LRMDA: variants seen among roughly 807,000 people sequenced by gnomAD.
The protein encoded by LRMDA is leucine-rich melanocyte differentiation-associated protein.
LRMDA carries 18 observed loss-of-function variants against 29.8 expected under a neutral mutation model. The ratio of observed to expected loss-of-function variants is 0.60; its 90% CI spans 0.42 to 0.90. LRMDA has a LOEUF of 0.90. LRMDA is among the 40% of genes least tolerant of loss of function. LRMDA has a pLI of 0.00. For missense variants in LRMDA, 273 were observed against 273.9 expected (o/e 1.00, Z 0.02); for synonymous variants, 125 against 109.4 (o/e 1.14, Z -0.89).
At chr10:76,266,896 G>A (rs763813800) in intron 5 of LRMDA, among the ~76,000 whole-genome samples, 5 of 152,068 alleles carry the variant, frequency 3.3e-5, no homozygotes, top group African/African-American at 4.8e-5. Context: ...TTTTGATTCC[G>A]GAGAACATTC....
chr10:75,941,075 A>G (rs1194182291), intron 2 of LRMDA, among the ~76,000 whole-genome samples: 6 of 152,198 alleles, frequency 3.9e-5, no homozygotes, highest in Admixed American at 3.9e-4. Flanking sequence ...CTGTTGGTGA[A>G]AATAGTTTGA....
intron 5 of LRMDA, among the ~76,000 whole-genome samples, chr10:76,285,881 G>C (rs886579094): frequency 7.2e-5 from 11 of 152,176 alleles, no homozygotes; most frequent in Non-Finnish European, 1.2e-4. Context: ...CCCAGTGCTA[G>C]AGTCCCTCTT....
At chr10:75,560,798 G>C (rs1475102332) in intron 2 of LRMDA, among the ~76,000 whole-genome samples, 3 of 151,982 alleles carry the variant, frequency 2.0e-5, no homozygotes, top group Non-Finnish European at 4.4e-5. Flanking sequence ...TAATCATGTG[G>C]TTTTTGTCTT....
chr10:75,867,382 C>T (rs1268408144), intron 2 of LRMDA, among the ~76,000 whole-genome samples: 2 of 152,106 alleles, frequency 1.3e-5, no homozygotes, highest in Non-Finnish European at 2.9e-5. Context: ...AGGGTGGTCG[C>T]GATCTCTTGA....
At chr10:75,716,559 G>T (rs979693273) in intron 2 of LRMDA, among the ~76,000 whole-genome samples, 1 of 152,164 alleles carries the variant, frequency 6.6e-6, no homozygotes, top group Non-Finnish European at 1.5e-5. Flanking sequence ...ATAAGACAAA[G>T]GGGGAACTAC....
At chr10:76,504,400 A>G (rs1418629663) in intron 6 of LRMDA, among the ~76,000 whole-genome samples, 3 of 151,972 alleles carry the variant, frequency 2.0e-5, no homozygotes, top group East Asian at 1.9e-4. Context: ...TTCTGCCTCA[A>G]TGATATGTCA....
intron 2 of LRMDA, among the ~76,000 whole-genome samples, chr10:75,503,647 C>G (rs1486928515): frequency 1.3e-5 from 2 of 151,994 alleles, no homozygotes; most frequent in African/African-American, 4.8e-5. Context: ...GCATTAACCA[C>G]CTTCTGGTTT....
intron 6 of LRMDA, among the ~76,000 whole-genome samples, chr10:76,488,399 T>C (rs1255496723): frequency 6.6e-6 from 1 of 151,876 alleles, no homozygotes; most frequent in African/African-American, 2.4e-5. Context: ...TTTCACATTT[T>C]CTAGACTATT....
chr10:75,633,602 A>G (rs897517104), intron 2 of LRMDA, among the ~76,000 whole-genome samples: 3 of 152,144 alleles, frequency 2.0e-5, no homozygotes, highest in African/African-American at 7.2e-5. Context: ...CCCGAAGAAA[A>G]CCTGTTTCCA....
chr10:76,296,363 A>G (rs1287693759), intron 5 of LRMDA, among the ~76,000 whole-genome samples: 1 of 152,222 alleles, frequency 6.6e-6, no homozygotes, highest in Non-Finnish European at 1.5e-5. Context: ...CCACTCCTGC[A>G]GGCTTATTCA....
chr10:76,541,614 T>G (rs775106186), intron 6 of LRMDA, among the ~76,000 whole-genome samples: 9 of 152,220 alleles, frequency 5.9e-5, no homozygotes, highest in Non-Finnish European at 1.0e-4. Flanking sequence ...GATGTTCACA[T>G]AATGCTAATG....
At chr10:76,149,499 C>A (rs1850398113) in intron 5 of LRMDA, among the ~76,000 whole-genome samples, 2 of 152,172 alleles carry the variant, frequency 1.3e-5, no homozygotes, top group South Asian at 4.1e-4. Flanking sequence ...TTTAGTAAAT[C>A]ATAATCATCA....
intron 6 of LRMDA, among the ~76,000 whole-genome samples, chr10:76,359,656 T>C (rs1173826079): frequency 6.6e-6 from 1 of 152,172 alleles, no homozygotes; most frequent in Non-Finnish European, 1.5e-5. Context: ...ATTCCCGTGG[T>C]TTAATTTTCC....
At chr10:76,330,384 G>A (rs1840890153) in intron 6 of LRMDA, among the ~76,000 whole-genome samples, 1 of 152,140 alleles carries the variant, frequency 6.6e-6, no homozygotes, top group South Asian at 2.1e-4. Flanking sequence ...AATAGATTGA[G>A]GGGAAACCTA....
At chr10:76,363,773 G>A (rs534028808) in intron 6 of LRMDA, among the ~76,000 whole-genome samples, 3 of 152,032 alleles carry the variant, frequency 2.0e-5, no homozygotes, top group African/African-American at 7.2e-5. Context: ...TATTCTTTGG[G>A]TTAAGTCAAA....
At position 76,048,371 on chromosome 10, in the gene LRMDA, T is replaced by C. The variant is rs576708001; in HGVS notation, c.398+1068T>C. Among the ~76,000 whole-genome samples the C allele has an allele frequency of 3.9e-5, 6 of 152,316 alleles. No individual in the cohort carries two copies. The East Asian group carries it at 1.2e-3, about 29-fold the overall frequency. On this transcript the variant is annotated intron_variant, in intron 4 of 6. Coordinates refer to ENST00000611255, the MANE Select transcript of LRMDA (RefSeq NM_001305581.2). ...GAGGTAGGGAGGGATTGGTCTCAAG[T>C]ACAGGGCTTATGAGGTTGCAAAAGG...
chr10:75,944,465 G>T (rs1026065976), intron 2 of LRMDA, among the ~76,000 whole-genome samples: 27 of 151,730 alleles, frequency 1.8e-4, no homozygotes, highest in South Asian at 1.0e-3. Context: ...ATTTGTGGGG[G>T]TTTTTTGCCA....
chr10:75,855,968 C>A (rs1844818864), intron 2 of LRMDA, among the ~76,000 whole-genome samples: 1 of 152,122 alleles, frequency 6.6e-6, no homozygotes, highest in Non-Finnish European at 1.5e-5. Flanking sequence ...GTTACTGTAG[C>A]CTTGTAGTAT....
chr10:76,480,582 T>C (rs75095586), intron 6 of LRMDA, among the ~76,000 whole-genome samples: 4,081 of 152,092 alleles, frequency 0.027, 79 homozygotes, highest in South Asian at 0.11. Context: ...ATTTATGAGT[T>C]AAAGTGAATT....
Sources: allele counts gnomAD v4.1 joint callset (sites outside exome capture counted in the v4.1 genomes callset), GRCh38; gene constraint gnomAD v4.1.1; transcripts MANE v1.5; gene names NCBI Gene and HGNC (gene_info 2026-07-23, HGNC 2026-07-21).